The following VPS4B variants were observed in gnomAD, a reference collection of about 807,000 sequenced individuals.
VPS4B encodes the protein vacuolar protein sorting-associated protein 4B.
In VPS4B, 23 loss-of-function variants were observed where a neutral mutation model predicts 56.1. The ratio of observed to expected loss-of-function variants is 0.41; its 90% CI spans 0.30 to 0.58. The LOEUF is 0.58. VPS4B is among the 20% of genes least tolerant of loss of function. The pLI, the probability that VPS4B is intolerant of heterozygous loss-of-function variation, is 0.29. For missense variants in VPS4B, 372 were observed against 531.9 expected (o/e 0.70, Z 2.96); for synonymous variants, 177 against 186.0 (o/e 0.95, Z 0.39).
At chr18:63,405,913 G>A (rs1179996842) in intron 4 of VPS4B, among the ~76,000 whole-genome samples, 1 of 151,888 alleles carries the variant, frequency 6.6e-6, no homozygotes, top group Non-Finnish European at 1.5e-5. Flanking sequence ...TGGAACCCAG[G>A]AGTTCGAGGC....
intron 8 of VPS4B, among the ~76,000 whole-genome samples, chr18:63,397,945 T>C (rs1254032109): frequency 1.3e-5 from 2 of 152,120 alleles, no homozygotes; most frequent in Admixed American, 6.6e-5. Context: ...GCACATTTCC[T>C]TTCTTGGTAC....
intron 4 of VPS4B, 53 bp downstream of exon 4, chr18:63,407,379 A>C: frequency 7.1e-7 from 1 of 1,409,860 alleles, no homozygotes; most frequent in Non-Finnish European, 9.8e-7. Flanking sequence ...TAGACAATTC[A>C]CTTTGAGTCT....
chr18:63,397,268 T>G lies in VPS4B; in HGVS notation c.873-15A>C, dbSNP rs766419840. On this transcript the variant is annotated splice_polypyrimidine_tract_variant and intron_variant, in intron 8 of 10. Coordinates refer to ENST00000238497, the MANE Select transcript of VPS4B (RefSeq NM_004869.4). ...GTTTCTCAAATCTTAAAAGAGAAAT[T>G]ACATCAAGAATATATTTAATTGAAA... 4.4e-6 allele frequency: 7 copies of G among 1,590,714 alleles called. No individual in the cohort carries two copies. The highest frequency in any genetic ancestry group is 6.0e-6 in the Non-Finnish European group (7 of 1,168,734).
intron 3 of VPS4B, among the ~76,000 whole-genome samples, chr18:63,407,794 CA>C (rs1439190431): frequency 6.6e-6 from 1 of 152,192 alleles, no homozygotes; most frequent in African/African-American, 2.4e-5. Flanking sequence ...ATGCCCCACA[CA>C]TCACTCCATG....
At chr18:63,414,828 C>A (rs1458532184) in intron 1 of VPS4B, among the ~76,000 whole-genome samples, 1 of 152,262 alleles carries the variant, frequency 6.6e-6, no homozygotes, top group Non-Finnish European at 1.5e-5. Flanking sequence ...TTGTTCCTCT[C>A]ATTCAGTCAG....
At chr18:63,392,187 C>A (rs952499004) in intron 10 of VPS4B, among the ~76,000 whole-genome samples, 1 of 152,140 alleles carries the variant, frequency 6.6e-6, no homozygotes, top group African/African-American at 2.4e-5. Context: ...AGATCTGAAA[C>A]TGACAGAAAA....
At chr18:63,405,949 G>A (rs1393608231) in intron 4 of VPS4B, among the ~76,000 whole-genome samples, 2 of 151,568 alleles carry the variant, frequency 1.3e-5, no homozygotes, top group African/African-American at 2.4e-5. Context: ...TTGCGCCACT[G>A]CACTCCAGCC....
chr18:63,421,233 T>A (rs1916294135), intron 1 of VPS4B, among the ~76,000 whole-genome samples: 1 of 152,162 alleles, frequency 6.6e-6, no homozygotes, highest in African/African-American at 2.4e-5. Context: ...CCACTCTTTT[T>A]GTGTATGTGT....
intron 1 of VPS4B, chr18:63,415,398 G>C (rs1284178037): frequency 3.8e-6 from 1 of 265,308 alleles, no homozygotes; most frequent in African/African-American, 2.3e-5. Flanking sequence ...AGTCCTCCTG[G>C]GTGACATGCA....
At chr18:63,404,103 CT>C in intron 4 of VPS4B, among the ~76,000 whole-genome samples, 1 of 152,244 alleles carries the variant, frequency 6.6e-6, no homozygotes, top group Admixed American at 6.5e-5. Flanking sequence ...TCTGCCCAAA[CT>C]ACTTAGATAG....
chr18:63,396,660 A>C, intron 9 of VPS4B: 1 of 222,020 alleles, frequency 4.5e-6, no homozygotes, highest in East Asian at 1.2e-4. Flanking sequence ...AAATCCTCCC[A>C]AATTCTTTGA....
intron 1 of VPS4B, 105 bp downstream of exon 1, chr18:63,422,128 G>T: frequency 7.8e-7 from 1 of 1,276,168 alleles, no homozygotes; most frequent in South Asian, 1.8e-5. Flanking sequence ...CCTGCGCCTC[G>T]ACCACAGGCG....
chr18:63,400,463 A>G (rs895344256), intron 6 of VPS4B, 84 bp downstream of exon 6: 24 of 1,385,882 alleles, frequency 1.7e-5, no homozygotes, highest in Admixed American at 1.3e-4. Flanking sequence ...CTGAATATCT[A>G]TAAGTGATGT....
At chr18:63,421,141 A>T (rs1163288825) in intron 1 of VPS4B, among the ~76,000 whole-genome samples, 2 of 152,190 alleles carry the variant, frequency 1.3e-5, no homozygotes, top group East Asian at 3.8e-4. Flanking sequence ...ATACAATTAT[A>T]ATATTTTGTG....
At position 63,404,307 on chromosome 18, in the gene VPS4B, A is replaced by G. The variant is rs149478316; in HGVS notation, c.365-481T>C. On this transcript the variant is annotated intron_variant, in intron 4 of 10. Coordinates refer to ENST00000238497, the MANE Select transcript of VPS4B (RefSeq NM_004869.4). ...ACCACTGAAAAAAAAAATATGCTTA[A>G]CAAATTTAACTCAAGATAGGCAGAC... 4.6e-3 allele frequency among the ~76,000 whole-genome samples: 701 copies of G among 152,300 alleles called. 3 individuals carry two copies. Among genetic ancestry groups the G allele is most frequent in the African/African-American group, 0.015 (617 of 41,554 alleles).
In VPS4B at chr18:63,399,976, G is replaced by A. The variant is rs59028982; in HGVS notation, c.790+72C>T. 17,553 of 1,431,926 alleles carry A rather than the reference G, an allele frequency of 0.012. 1,301 individuals carry two copies. The African/African-American group carries it at 0.19, about 15-fold the overall frequency. 88.7% of individuals were successfully genotyped at this position (1,431,926 alleles called of 1,614,324 possible). On this transcript the variant is annotated intron_variant, in intron 7 of 10. Transcript: ENST00000238497. Reference sequence around the variant, plus strand: ...GGAGGTTGTAGTGAGCTGAGATCGCGCCACTGCACTCCAGCCTGGGCGACA... The same window carrying A: ...GGAGGTTGTAGTGAGCTGAGATCGCACCACTGCACTCCAGCCTGGGCGACA...
At chr18:63,403,902 G>A (rs983200671) in intron 4 of VPS4B, 76 bp from the exon 5 acceptor site, 11 of 1,482,268 alleles carry the variant, frequency 7.4e-6, no homozygotes, top group Non-Finnish European at 1.0e-5. Flanking sequence ...AAATAATGAT[G>A]TTAAAGAAAC....
At chr18:63,420,695 C>T (rs1916277534) in intron 1 of VPS4B, among the ~76,000 whole-genome samples, 1 of 152,038 alleles carries the variant, frequency 6.6e-6, no homozygotes, top group African/African-American at 2.4e-5. Flanking sequence ...CAAAAAGCTA[C>T]AAAAAACTCA....
At chr18:63,418,762 T>C (rs1916226455) in intron 1 of VPS4B, among the ~76,000 whole-genome samples, 1 of 152,206 alleles carries the variant, frequency 6.6e-6, no homozygotes, top group African/African-American at 2.4e-5. Context: ...TAACTGTCGC[T>C]AATCCATAGA....
Sources: allele counts gnomAD v4.1 joint callset (sites outside exome capture counted in the v4.1 genomes callset), GRCh38; gene constraint gnomAD v4.1.1; transcripts MANE v1.5; gene names NCBI Gene and HGNC (gene_info 2026-07-23, HGNC 2026-07-21).